XPOT: variants seen among roughly 807,000 people sequenced by gnomAD.
The protein encoded by XPOT is exportin for tRNA, also known as exportin-T.
In XPOT, 34 loss-of-function variants were observed where a neutral mutation model predicts 128.2. The observed-to-expected ratio is 0.27, with a 90% CI of 0.20 to 0.35. The LOEUF (loss-of-function observed/expected upper bound fraction) is 0.35, where lower values mean the gene tolerates loss of function less well. XPOT is among the 10% of genes least tolerant of loss of function. The pLI, the probability that XPOT is intolerant of heterozygous loss-of-function variation, is 1.00. For synonymous variants in XPOT, 348 were observed against 394.3 expected (o/e 0.88, Z 1.39); for missense variants, 838 against 1,125.3 (o/e 0.74, Z 3.65).
In XPOT at chr12:64,419,047, G is replaced by T. The variant is rs773486443; in HGVS notation, c.442G>T (p.Ala148Ser). 7.4e-6 allele frequency: 12 copies of T among 1,613,674 alleles called. No individual in the cohort carries two copies. Among genetic ancestry groups the T allele is most frequent in the Middle Eastern group, 1.6e-4 (1 of 6,062 alleles). Reference protein sequence around the residue: ...GVDLYLRILMAIDSELVDRDV... With the variant: ...GVDLYLRILMSIDSELVDRDV... The stretch of plus-strand genomic sequence containing the variant: ...AGATCTCTACCTGCGAATCCTCATG[G>T]CTATTGATTCAGAGTTGGTGGATCG... The change falls in exon 6 of 25, where the codon GCT becomes TCT. Residue 148 changes from alanine (A) to serine (S), a missense_variant. Around this residue, in one of 3 missense-constraint regions of XPOT, gnomAD observed 761 missense variants for 988.3 expected, o/e 0.77. Transcript: ENST00000332707.
chr12:64,424,867 T>C, intron 12 of XPOT, 144 bp downstream of exon 12: 1 of 1,321,798 alleles, frequency 7.6e-7, no homozygotes, highest in Non-Finnish European at 1.0e-6. Flanking sequence ...GCACTTGTCT[T>C]CTTGATTTAT....
chr12:64,439,541 A>G (rs1274099553), intron 23 of XPOT, among the ~76,000 whole-genome samples: 1 of 152,210 alleles, frequency 6.6e-6, no homozygotes, highest in Non-Finnish European at 1.5e-5. Context: ...CTGTTCTAGC[A>G]TACTTTAGTT....
chr12:64,426,721 G>A (rs182805886), intron 15 of XPOT, among the ~76,000 whole-genome samples: 4 of 152,272 alleles, frequency 2.6e-5, no homozygotes, highest in East Asian at 1.9e-4. Context: ...GGTGGCCCAC[G>A]CCTGTAATCC....
At position 64,423,052 on chromosome 12, in the gene XPOT, C is replaced by A. The variant is rs760071994; in HGVS notation, c.1119+9C>A. Reference sequence around the variant, plus strand: ...AAAAAGCTAATGTAGAGGTAATTGACTTTATGCTTCTTTTAAACCAATGAT... The same window carrying A: ...AAAAAGCTAATGTAGAGGTAATTGAATTTATGCTTCTTTTAAACCAATGAT... On this transcript the variant is annotated intron_variant, in intron 10 of 24. Coordinates refer to ENST00000332707, the MANE Select transcript of XPOT (RefSeq NM_007235.6). 1 of 1,612,804 alleles carries A rather than the reference C, an allele frequency of 6.2e-7. No individual in the cohort carries two copies. The highest frequency in any genetic ancestry group is 8.5e-7 in the Non-Finnish European group (1 of 1,179,714).
Position 64,404,425 on chromosome 12 carries a change from C to T in XPOT, c.-454C>T, listed in dbSNP as rs1181423285. Reference sequence around the variant, plus strand: ...AGAGACTGCTGGCGCCGGCGCCCGCCCGCGCGGCACCGACGCGGGGAGCGC... The same window carrying T: ...AGAGACTGCTGGCGCCGGCGCCCGCTCGCGCGGCACCGACGCGGGGAGCGC... On this transcript the variant is annotated 5_prime_UTR_variant, in exon 1 of 25. Transcript: ENST00000332707. 5 of 152,080 alleles carry T rather than the reference C, an allele frequency of 3.3e-5. No individual in the cohort carries two copies. The highest frequency in any genetic ancestry group is 7.3e-5 in the African/African-American group (3 of 41,238). The allele number at this position is 152,080 out of a possible 1,614,324, so 9.4% of individuals were successfully genotyped here. A position where few individuals can be genotyped will look rare whatever the true frequency, so the allele number is the denominator to read the frequency against.
intron 23 of XPOT, among the ~76,000 whole-genome samples, chr12:64,441,696 T>G (rs1415735685): frequency 6.6e-6 from 1 of 152,150 alleles, no homozygotes; most frequent in East Asian, 1.9e-4. Context: ...TTATTTTTAT[T>G]TTTTTTGAGA....
At chr12:64,434,703 C>A in intron 20 of XPOT, 80 bp downstream of exon 20, 1 of 1,525,816 alleles carries the variant, frequency 6.6e-7, no homozygotes, top group Non-Finnish European at 9.1e-7. Context: ...ATAGCCCTAA[C>A]AGAGAGAGAA....
chr12:64,426,331 A>T (rs1418939355), intron 15 of XPOT, among the ~76,000 whole-genome samples: 2 of 151,560 alleles, frequency 1.3e-5, no homozygotes, highest in African/African-American at 4.8e-5. Flanking sequence ...AAAATGTAGT[A>T]CACATACATC....
Position 64,423,230 on chromosome 12 carries a change from A to G in XPOT, c.1168A>G (p.Asn390Asp). ...AAAATTGACTTACGATGAAGAATAT[A>G]ACTTTGAAAATGAGGTAAGAATTTT... is the stretch of plus-strand genomic sequence containing the variant. ...MKKLTYDEEYNFENEGEDEAM... is the reference protein window; with the variant it reads ...MKKLTYDEEYDFENEGEDEAM... The change falls in exon 11 of 25, where the codon AAC becomes GAC. Residue 390 changes from asparagine (N) to aspartate (D), a missense_variant. Around this residue, in one of 3 missense-constraint regions of XPOT, gnomAD observed 761 missense variants for 988.3 expected, o/e 0.77. Coordinates refer to ENST00000332707, the MANE Select transcript of XPOT (RefSeq NM_007235.6). The G allele has an allele frequency of 6.3e-7, 1 of 1,581,338 alleles. No individual in the cohort carries two copies. Among genetic ancestry groups the G allele is most frequent in the Non-Finnish European group, 8.5e-7 (1 of 1,170,286 alleles).
intron 1 of XPOT, among the ~76,000 whole-genome samples, chr12:64,407,139 T>C (rs1012879637): frequency 1.3e-5 from 2 of 152,142 alleles, no homozygotes; most frequent in Non-Finnish European, 2.9e-5. Context: ...AAACCTATGC[T>C]CTACTATGTC....
intron 23 of XPOT, among the ~76,000 whole-genome samples, chr12:64,442,155 C>G (rs925502057): frequency 6.6e-6 from 1 of 151,048 alleles, no homozygotes; most frequent in East Asian, 2.0e-4. Context: ...CAGTCTTGCT[C>G]TGTCACCCAG....
intron 16 of XPOT, among the ~76,000 whole-genome samples, chr12:64,428,838 G>C (rs1190627194): frequency 6.6e-6 from 1 of 152,188 alleles, no homozygotes; most frequent in African/African-American, 2.4e-5. Context: ...GCTTTTGCAA[G>C]CATAAACAGT....
intron 18 of XPOT, among the ~76,000 whole-genome samples, chr12:64,432,260 T>A (rs915242711): frequency 6.6e-6 from 1 of 152,054 alleles, no homozygotes; most frequent in Non-Finnish European, 1.5e-5. Flanking sequence ...CTTTTTTTTT[T>A]AAATGGAGAT....
chr12:64,412,203 G>A (rs2040044603), intron 2 of XPOT, among the ~76,000 whole-genome samples: 1 of 151,894 alleles, frequency 6.6e-6, no homozygotes, highest in Admixed American at 6.6e-5. Flanking sequence ...ATTTCTGTAT[G>A]TTTGGTGGAG....
chr12:64,414,984 A>G lies in XPOT; in HGVS notation c.138A>G (p.Thr46=). The G allele has an allele frequency of 6.2e-7, 1 of 1,609,270 alleles. No homozygotes were observed. Among genetic ancestry groups the G allele is most frequent in the Non-Finnish European group, 8.5e-7 (1 of 1,176,328 alleles). Residue 46 remains threonine, a synonymous_variant, in exon 3 of 25, where the codon ACA becomes ACG. Transcript: ENST00000332707. Reference sequence around the variant, plus strand: ...GTGCAGAAGCTCTAGCCCAGAGGACATACAGGTAATTAAAAACAAAATTTG... The same window carrying G: ...GTGCAGAAGCTCTAGCCCAGAGGACGTACAGGTAATTAAAAACAAAATTTG... ...QVCAEALAQR[T]YSDDHVKFFC... is the part of the protein sequence containing the mutation.
Position 64,420,537 on chromosome 12 carries a change from T to C in XPOT, c.843+16T>C. 1.9e-6 allele frequency: 3 copies of C among 1,591,354 alleles called. No individual in the cohort carries two copies. The highest frequency in any genetic ancestry group is 2.6e-6 in the Non-Finnish European group (3 of 1,167,706). ...CATTGACCAGGTTGGTAAATTTATATAAAACATTGTATGTAAAGTTGTTAG... is the reference window on the plus strand; with the variant it reads ...CATTGACCAGGTTGGTAAATTTATACAAAACATTGTATGTAAAGTTGTTAG... On this transcript the variant is annotated intron_variant, in intron 8 of 24. Transcript: ENST00000332707.
At chr12:64,410,436 T>C (rs1174427734) in intron 2 of XPOT, among the ~76,000 whole-genome samples, 2 of 152,240 alleles carry the variant, frequency 1.3e-5, no homozygotes, top group African/African-American at 4.8e-5. Context: ...TTCTCTTTCC[T>C]TGGCTTGATC....
rs144407440 is a variant in XPOT at position 64,424,175 on chromosome 12, G to A, written c.1183-424G>A. On this transcript the variant is annotated intron_variant, in intron 11 of 24. Coordinates refer to ENST00000332707, the MANE Select transcript of XPOT (RefSeq NM_007235.6). ...CCATATTATTACCACTTTTTACAGT[G>A]GATATTGACTTACAAGAATAAATAA... Among the ~76,000 whole-genome samples the A allele has an allele frequency of 5.4e-4, 82 of 152,222 alleles. No homozygotes were observed. In the Middle Eastern group the frequency reaches 0.01, roughly 19 times the overall value.
At chr12:64,443,149 GT>G in intron 23 of XPOT, 1 of 152,146 alleles carries the variant, frequency 6.6e-6, no homozygotes, top group Non-Finnish European at 1.5e-5. Context: ...CGATCCAAGG[GT>G]TTTTTTTGTT....
Sources: allele counts gnomAD v4.1 joint callset (sites outside exome capture counted in the v4.1 genomes callset), GRCh38; gene constraint gnomAD v4.1.1; regional missense constraint gnomAD v4.1.1; transcripts MANE v1.5; gene names NCBI Gene and HGNC (gene_info 2026-07-23, HGNC 2026-07-21).